DENND5A: variants seen among roughly 807,000 people sequenced by gnomAD.
The protein encoded by DENND5A is DENN domain containing 5A.
DENND5A carries 64 observed loss-of-function variants against 140.3 expected under a neutral mutation model. The ratio of observed to expected loss-of-function variants is 0.46; its 90% confidence interval spans 0.37 to 0.56. The LOEUF (loss-of-function observed/expected upper bound fraction) is 0.56, where lower values mean the gene tolerates loss of function less well. Ranked by LOEUF, DENND5A falls within the 20% of genes least tolerant of loss-of-function variation. The probability of loss-of-function intolerance (pLI) is 0.00; values close to 1 mark genes in which losing one functional copy is unlikely to be tolerated. For missense variants in DENND5A, 1,292 were observed against 1,593.8 expected (o/e 0.81, Z 3.22); for synonymous variants, 605 against 607.7 (o/e 1.00, Z 0.07).
rs751573360 is a variant in DENND5A, at chr11:9,178,884, T to G, written c.1645A>C (p.Arg549=). The change falls in exon 7 of 23, where the codon AGG becomes CGG. Residue 549 remains arginine, a synonymous_variant. Coordinates refer to ENST00000328194, the MANE Select transcript of DENND5A (RefSeq NM_015213.4). ...SQDKESWFTN[R]EQMQNFDKAS... ...TTATCAAAGTTTTGCATTTGCTCCC[T>G]GTTGGTAAACCAGGATTCCTTATCC... The G allele has an allele frequency of 1.2e-6, 2 of 1,614,150 alleles. No homozygotes were observed. Among genetic ancestry groups the G allele is most frequent in the South Asian group, 2.2e-5 (2 of 91,084 alleles).
intron 1 of DENND5A, chr11:9,245,622 T>C (rs1851439638): frequency 6.6e-6 from 1 of 151,784 alleles, no homozygotes; most frequent in South Asian, 2.1e-4. Flanking sequence ...GCAGCCTCTA[T>C]TTTTAATTTA....
intron 1 of DENND5A, among the ~76,000 whole-genome samples, chr11:9,240,016 T>C (rs1851167377): frequency 6.6e-6 from 1 of 152,212 alleles, no homozygotes; most frequent in Non-Finnish European, 1.5e-5. Context: ...CTACGCCCTC[T>C]ATAGTAAATT....
In DENND5A at chr11:9,265,007, G is replaced by A. The variant is rs1852381992; in HGVS notation, c.63C>T (p.Ile21=). 3 of 1,589,158 alleles carry A rather than the reference G, an allele frequency of 1.9e-6. No homozygotes were observed. Among genetic ancestry groups the A allele is most frequent in the African/African-American group, 1.4e-5 (1 of 72,744 alleles). The change falls in exon 1 of 23, where the codon ATC becomes ATT. Residue 21 remains isoleucine (I), a synonymous_variant. Transcript: ENST00000328194. This position sits in a 1 kb window ranked among gnomAD's most constrained non-coding sequence, Gnocchi z 4.7. Reference sequence around the variant, plus strand: ...GCCCGGTCTCCGTGTCCAGTCCGCAGATGACAAAGTAGTCGGCGAAGCGAC... The same window carrying A: ...GCCCGGTCTCCGTGTCCAGTCCGCAAATGACAAAGTAGTCGGCGAAGCGAC... ...APSRFADYFV[I]CGLDTETGLE...
Position 9,170,891 on chromosome 11 carries a change from T to C in DENND5A, c.1907-114A>G, listed in dbSNP as rs186381860. ...GCTACTCTTCCATTTCCAGCCAAGATAGAGTAAAAGGGACTGATTTTCCTG... is the reference window on the plus strand; with the variant it reads ...GCTACTCTTCCATTTCCAGCCAAGACAGAGTAAAAGGGACTGATTTTCCTG... On this transcript the variant is annotated intron_variant, in intron 8 of 22. Coordinates refer to ENST00000328194, the MANE Select transcript of DENND5A (RefSeq NM_015213.4). The C allele has an allele frequency of 4.9e-4, 747 of 1,533,356 alleles. 7 individuals carry two copies. Among genetic ancestry groups the C allele is most frequent in the Non-Finnish European group, 2.0e-4 (224 of 1,141,590 alleles). The allele number at this position is 1,533,356 out of a possible 1,614,324, so 95.0% of individuals were successfully genotyped here. A position where few individuals can be genotyped will look rare whatever the true frequency, so the allele number is the denominator to read the frequency against.
chr11:9,150,462 C>A (rs775787276), intron 14 of DENND5A, among the ~76,000 whole-genome samples: 2 of 152,196 alleles, frequency 1.3e-5, no homozygotes, highest in African/African-American at 2.4e-5. Context: ...GCCTGAGATA[C>A]TCTCCTATGC....
Position 9,168,092 on chromosome 11 carries a change from A to AT in DENND5A, c.2151+1763dup, listed in dbSNP as rs11285106. 2.8e-3 allele frequency among the ~76,000 whole-genome samples: 393 copies of AT among 141,958 alleles called. 5 individuals carry two copies. The highest frequency in any genetic ancestry group is 0.022 in the South Asian group (97 of 4,472). 93.1% of individuals were successfully genotyped at this position (141,958 alleles called of 152,430 possible). On this transcript the variant is annotated intron_variant, in intron 10 of 22. Transcript: ENST00000328194. ...GTATTTCAAAGTGTTAACCTCAGTG[A>AT]TTTTTTTTTTTTTTGTCTTTAGCAA...
At chr11:9,254,740 G>A (rs1851873298) in intron 1 of DENND5A, among the ~76,000 whole-genome samples, 2 of 152,068 alleles carry the variant, frequency 1.3e-5, no homozygotes, top group Non-Finnish European at 2.9e-5. Context: ...TCTCTGGGGA[G>A]GGATATCCTT....
At chr11:9,175,708 G>A (rs1488078033) in intron 8 of DENND5A, 1 of 151,870 alleles carries the variant, frequency 6.6e-6, no homozygotes, top group Non-Finnish European at 1.5e-5. Context: ...ATAACATTTT[G>A]ACAAAAGCAA....
Position 9,197,208 on chromosome 11 carries a change from G to A in DENND5A, c.950-3527C>T, listed in dbSNP as rs111422395. Among the ~76,000 whole-genome samples the A allele has an allele frequency of 5.3e-3, 800 of 151,614 alleles. 8 individuals carry two copies. The highest frequency in any genetic ancestry group is 0.018 in the African/African-American group (760 of 41,316). Reference sequence around the variant, plus strand: ...TAATCCCAGCTACTAGGGAGGCTGAGGCAGAAGAATCGTTTGAACCCGGGA... The same window carrying A: ...TAATCCCAGCTACTAGGGAGGCTGAAGCAGAAGAATCGTTTGAACCCGGGA... On this transcript the variant is annotated intron_variant, in intron 4 of 22. Transcript: ENST00000328194.
chr11:9,229,608 G>C (rs1850677163), intron 1 of DENND5A, among the ~76,000 whole-genome samples: 2 of 151,984 alleles, frequency 1.3e-5, no homozygotes, highest in Non-Finnish European at 2.9e-5. Flanking sequence ...CCCAAAGTAA[G>C]CCATAATACC....
intron 1 of DENND5A, among the ~76,000 whole-genome samples, chr11:9,223,266 G>A (rs138132036): frequency 5.9e-5 from 9 of 152,206 alleles, no homozygotes; most frequent in East Asian, 1.9e-4. Context: ...GGGGTCTCAC[G>A]CCTGTAATCC....
chr11:9,210,424 A>G (rs779264146), intron 1 of DENND5A, among the ~76,000 whole-genome samples: 3 of 152,250 alleles, frequency 2.0e-5, no homozygotes, highest in Non-Finnish European at 4.4e-5. Context: ...TCTGCTTCCA[A>G]GGAAGTACAG....
chr11:9,200,181 G>C (rs901792814), intron 4 of DENND5A, among the ~76,000 whole-genome samples: 4 of 152,104 alleles, frequency 2.6e-5, no homozygotes, highest in African/African-American at 9.7e-5. Flanking sequence ...TCCTTTCCTT[G>C]CCTCTAAACA....
chr11:9,153,814 C>T (rs1315022816), intron 12 of DENND5A, among the ~76,000 whole-genome samples: 1 of 152,184 alleles, frequency 6.6e-6, no homozygotes, highest in Non-Finnish European at 1.5e-5. Flanking sequence ...GCACTTTAAA[C>T]CATTTGAGAT....
intron 7 of DENND5A, among the ~76,000 whole-genome samples, chr11:9,178,601 A>C (rs941330568): frequency 4.6e-5 from 7 of 152,092 alleles, no homozygotes; most frequent in Admixed American, 3.9e-4. Flanking sequence ...ATCTTCCCAG[A>C]ATCCTGATGT....
rs562256536 is a variant in DENND5A, at chr11:9,246,029, T to C, written c.109+18932A>G. Among the ~76,000 whole-genome samples the C allele has an allele frequency of 2.2e-3, 342 of 152,278 alleles. 2 individuals are homozygous for C. Among genetic ancestry groups the C allele is most frequent in the Non-Finnish European group, 2.5e-3 (168 of 68,016 alleles). On this transcript the variant is annotated intron_variant, in intron 1 of 22. Coordinates refer to ENST00000328194, the MANE Select transcript of DENND5A (RefSeq NM_015213.4). ...GTTAAGAAATTTGCCTACCTGACTC[T>C]GAGATGGAGCCGGGACCCCTTTTTT...
At chr11:9,257,422 C>T (rs1294978604) in intron 1 of DENND5A, among the ~76,000 whole-genome samples, 4 of 140,296 alleles carry the variant, frequency 2.9e-5, no homozygotes, top group Non-Finnish European at 6.1e-5. Flanking sequence ...CAGAGACAGA[C>T]TCTGTCTCTT....
intron 15 of DENND5A, 75 bp downstream of exon 15, chr11:9,150,006 C>G (rs955118565): frequency 6.1e-5 from 94 of 1,538,302 alleles, no homozygotes; most frequent in Non-Finnish European, 7.2e-5. Context: ...GAATACTCCC[C>G]CTTCCCACAC....
At chr11:9,157,433 G>A (rs1011424282) in intron 12 of DENND5A, among the ~76,000 whole-genome samples, 3 of 152,162 alleles carry the variant, frequency 2.0e-5, no homozygotes. Flanking sequence ...CATTATTCAT[G>A]TAATAAGCCT....
Sources: allele counts gnomAD v4.1 joint callset (sites outside exome capture counted in the v4.1 genomes callset), GRCh38; gene constraint gnomAD v4.1.1; non-coding constraint Gnocchi (gnomAD v3.1); transcripts MANE v1.5; gene names NCBI Gene and HGNC (gene_info 2026-07-23, HGNC 2026-07-21).